The following GBE1 variants were observed in gnomAD, a reference collection of about 807,000 sequenced individuals.
GBE1 encodes the protein 1,4-alpha-glucan-branching enzyme.
Under a neutral mutation model 88.8 loss-of-function variants are expected in GBE1, and 70 were observed. That is an observed-to-expected ratio of 0.79 (90% CI 0.65 to 0.96). The LOEUF (loss-of-function observed/expected upper bound fraction) is 0.96. Among genes scored for constraint, GBE1 ranks in the 40% least tolerant of loss-of-function variants. GBE1 has a pLI of 0.00. For synonymous variants in GBE1, 284 were observed against 300.1 expected, an observed-to-expected ratio of 0.95 and a Z score of 0.56; for missense variants, 872 against 871.0, an observed-to-expected ratio of 1.00 and a Z score of -0.01.
intron 12 of GBE1, among the ~76,000 whole-genome samples, chr3:81,577,042 C>G (rs538935517): frequency 6.0e-4 from 91 of 152,164 alleles, no homozygotes; most frequent in Admixed American, 2.6e-3. Context: ...TGGGCTCAAA[C>G]AGTCCCTCTG....
intron 2 of GBE1, among the ~76,000 whole-genome samples, chr3:81,682,364 T>C (rs1048966907): frequency 2.6e-5 from 4 of 151,964 alleles, no homozygotes; most frequent in Admixed American, 6.6e-5. Flanking sequence ...CAGGAGGCTG[T>C]GGCAGGAGGA....
chr3:81,707,729 AT>A (rs1269629824), intron 1 of GBE1, among the ~76,000 whole-genome samples: 1 of 152,074 alleles, frequency 6.6e-6, no homozygotes, highest in African/African-American at 2.4e-5. Flanking sequence ...TTAGATGAGC[AT>A]TTAAGAAATA....
rs542070564 is a variant in GBE1, at chr3:81,542,793, G to A, written c.1619-5698C>T. Among the ~76,000 whole-genome samples, 4 of 152,166 alleles carry A rather than the reference G, an allele frequency of 2.6e-5. No homozygotes were observed. In the South Asian group the frequency reaches 8.3e-4, roughly 32 times the overall value. On this transcript the variant is annotated intron_variant, in intron 12 of 15. Coordinates refer to ENST00000429644, the MANE Select transcript of GBE1 (RefSeq NM_000158.4). The stretch of plus-strand genomic sequence containing the variant: ...ACAGACATTCACACCCCAAACCTCA[G>A]TGTCATGCAATATATCCACATAACA...
At chr3:81,704,778 A>G (rs546206422) in intron 2 of GBE1, among the ~76,000 whole-genome samples, 2 of 152,094 alleles carry the variant, frequency 1.3e-5, no homozygotes, top group African/African-American at 4.8e-5. Context: ...TTACCCTTCA[A>G]GAATAAAACT....
At chr3:81,617,426 A>C (rs1384973172) in intron 7 of GBE1, among the ~76,000 whole-genome samples, 3 of 151,926 alleles carry the variant, frequency 2.0e-5, no homozygotes, top group African/African-American at 7.2e-5. Context: ...TATTACTCTG[A>C]GCCATTTTAT....
Position 81,535,273 on chromosome 3 carries a change from G to T in GBE1, c.1856C>A (p.Ala619Glu), listed in dbSNP as rs1044367200. The T allele has an allele frequency of 6.2e-7, 1 of 1,610,862 alleles. No homozygotes were observed. Among genetic ancestry groups the T allele is most frequent in the Non-Finnish European group, 8.5e-7 (1 of 1,178,350 alleles). Reference sequence around the variant, plus strand: ...GAAGTTGAAAATGAAAAGAAGACCTGCTCTTTCAAAAGCAATGATCTTATT... The same window carrying T: ...GAAGTTGAAAATGAAAAGAAGACCTTCTCTTTCAAAAGCAATGATCTTATT... ...EGNKIIAFER[A>E]GLLFIFNFHP... Residue 619 changes from alanine (A) to glutamate (E), a missense_variant, in exon 14 of 16, where the codon GCA becomes GAA. Ala to Glu is a moderately radical substitution (Grantham distance 107, BLOSUM62 -1). Coordinates refer to ENST00000429644, the MANE Select transcript of GBE1 (RefSeq NM_000158.4).
chr3:81,549,180 C>A (rs1703243662), intron 12 of GBE1, among the ~76,000 whole-genome samples: 1 of 150,834 alleles, frequency 6.6e-6, no homozygotes, highest in Non-Finnish European at 1.5e-5. Context: ...CAGGTGTCCA[C>A]CACCATGCCG....
intron 2 of GBE1, among the ~76,000 whole-genome samples, chr3:81,677,648 A>G (rs1705280102): frequency 6.6e-6 from 1 of 152,152 alleles, no homozygotes; most frequent in South Asian, 2.1e-4. Context: ...CTGGGGGGTG[A>G]CTGACAGTAG....
intron 3 of GBE1, among the ~76,000 whole-genome samples, chr3:81,655,430 G>GA (rs1406314988): frequency 6.6e-6 from 1 of 152,148 alleles, no homozygotes; most frequent in Admixed American, 6.6e-5. Context: ...TAATTAAGTA[G>GA]AAAAATAAGT....
rs189383826 is a variant in GBE1, at chr3:81,709,500, G to A, written c.144-3887C>T. On this transcript the variant is annotated intron_variant, in intron 1 of 15. Coordinates refer to ENST00000429644, the MANE Select transcript of GBE1 (RefSeq NM_000158.4). Reference sequence around the variant, plus strand: ...ACACACATACACCCTCATAATACAAGGAAAACTACTGATTTTCCAAAAAGG... The same window carrying A: ...ACACACATACACCCTCATAATACAAAGAAAACTACTGATTTTCCAAAAAGG... 2.2e-4 allele frequency among the ~76,000 whole-genome samples: 34 copies of A among 151,994 alleles called. 1 individual carries two copies. Among genetic ancestry groups the A allele is most frequent in the Admixed American group, 2.0e-3 (31 of 15,254 alleles).
chr3:81,512,207 G>A (rs907871507), intron 14 of GBE1, among the ~76,000 whole-genome samples: 3 of 151,696 alleles, frequency 2.0e-5, no homozygotes, highest in Non-Finnish European at 4.4e-5. Flanking sequence ...CGGGAGAGTG[G>A]GATGGAGGCA....
chr3:81,515,217 T>C (rs1484375497), intron 14 of GBE1, among the ~76,000 whole-genome samples: 1 of 151,592 alleles, frequency 6.6e-6, no homozygotes, highest in African/African-American at 2.4e-5. Context: ...TCCAATAGCA[T>C]GTGTTCACTT....
intron 2 of GBE1, among the ~76,000 whole-genome samples, chr3:81,686,002 A>C (rs532473248): frequency 6.6e-6 from 1 of 152,256 alleles, no homozygotes; most frequent in Non-Finnish European, 1.5e-5. Flanking sequence ...TCCAGACTTC[A>C]AGTGGCATGC....
At position 81,508,323 on chromosome 3, in the gene GBE1, T is replaced by C. The variant is rs189005608; in HGVS notation, c.1935-9096A>G. On this transcript the variant is annotated intron_variant, in intron 14 of 15. Transcript: ENST00000429644. ...TCAATAATTTGAGAAGGAAGAAAAA[T>C]AGAAAAATGTGCTCACACTTCTGCA... 2.1e-3 allele frequency among the ~76,000 whole-genome samples: 323 copies of C among 152,102 alleles called. 6 individuals are homozygous for C. Among genetic ancestry groups the C allele is most frequent in the Non-Finnish European group, 6.8e-4 (46 of 67,994 alleles).
At chr3:81,632,014 T>C (rs1246986460) in intron 7 of GBE1, among the ~76,000 whole-genome samples, 3 of 152,148 alleles carry the variant, frequency 2.0e-5, no homozygotes, top group African/African-American at 4.8e-5. Context: ...TATCCTCATA[T>C]GTTCTCATTG....
chr3:81,640,325 G>A (rs369191351), intron 7 of GBE1, among the ~76,000 whole-genome samples: 3 of 152,000 alleles, frequency 2.0e-5, no homozygotes, highest in African/African-American at 4.8e-5. Flanking sequence ...ATAAAAGCAG[G>A]CAGAGGAATG....
chr3:81,711,780 G>T (rs1197309845), intron 1 of GBE1, among the ~76,000 whole-genome samples: 1 of 152,146 alleles, frequency 6.6e-6, no homozygotes, highest in East Asian at 1.9e-4. Context: ...AAAAGCAATG[G>T]CAACAGAAGC....
chr3:81,754,355 GATTAAT>G (rs1271216573), intron 1 of GBE1, among the ~76,000 whole-genome samples: 1 of 151,902 alleles, frequency 6.6e-6, no homozygotes, highest in Non-Finnish European at 1.5e-5. Flanking sequence ...GGATTAGAAG[GATTAAT>G]ATTGTTAAAA....
chr3:81,716,516 A>T (rs1427604317), intron 1 of GBE1, among the ~76,000 whole-genome samples: 1 of 152,186 alleles, frequency 6.6e-6, no homozygotes, highest in Non-Finnish European at 1.5e-5. Context: ...AAGAAAAAGA[A>T]ATGTTCTTAT....
Sources: gnomAD v4.1 joint callset for allele counts (sites outside exome capture counted in the v4.1 genomes callset) on GRCh38, gnomAD v4.1.1 for gene constraint, MANE v1.5 for transcripts, NCBI Gene and HGNC (gene_info 2026-07-23, HGNC 2026-07-21) for gene names.